COMMD10: variants seen among roughly 807,000 people sequenced by gnomAD.
The protein encoded by COMMD10 is COMM domain-containing protein 10.
In COMMD10, 33 loss-of-function variants were observed where a neutral mutation model predicts 28.9. The ratio of observed to expected loss-of-function variants is 1.14; its 90% CI spans 0.87 to 1.53. The LOEUF (loss-of-function observed/expected upper bound fraction) is 1.53, where lower values mean the gene tolerates loss of function less well. Among genes scored for constraint, COMMD10 ranks in the 40% most tolerant of loss-of-function variants. The pLI is 0.00. For synonymous variants in COMMD10, 110 were observed against 81.7 expected, an observed-to-expected ratio of 1.35 and a Z score of -1.87; for missense variants, 310 against 233.4, an observed-to-expected ratio of 1.33 and a Z score of -2.14.
intron 4 of COMMD10, among the ~76,000 whole-genome samples, chr5:116,110,058 T>C (rs905492022): frequency 1.3e-5 from 2 of 152,224 alleles, no homozygotes; most frequent in African/African-American, 4.8e-5. Flanking sequence ...TATGCCCAGT[T>C]TGTTGAGAGT....
intron 5 of COMMD10, among the ~76,000 whole-genome samples, chr5:116,169,281 C>T (rs1217798984): frequency 6.6e-6 from 1 of 152,078 alleles, no homozygotes; most frequent in Non-Finnish European, 1.5e-5. Context: ...ACATACACCT[C>T]CCAAGACTAA....
chr5:116,241,460 C>T (rs1015078100), intron 5 of COMMD10, among the ~76,000 whole-genome samples: 2 of 152,096 alleles, frequency 1.3e-5, no homozygotes, highest in Admixed American at 6.5e-5. Flanking sequence ...CACTTACTGA[C>T]ACAACCTTTA....
intron 4 of COMMD10, among the ~76,000 whole-genome samples, chr5:116,132,312 A>G (rs1274074358): frequency 1.3e-5 from 2 of 152,154 alleles, no homozygotes; most frequent in Non-Finnish European, 2.9e-5. Flanking sequence ...GGTAGTTCAG[A>G]TGGATTTATT....
intron 5 of COMMD10, among the ~76,000 whole-genome samples, chr5:116,207,391 G>T (rs73257302): frequency 3.3e-5 from 5 of 151,966 alleles, no homozygotes; most frequent in South Asian, 4.1e-4. Flanking sequence ...TGAGAGATCT[G>T]TTACTTTCTG....
chr5:116,290,990 C>A (rs564699447), intron 5 of COMMD10, among the ~76,000 whole-genome samples: 1 of 152,090 alleles, frequency 6.6e-6, no homozygotes, highest in African/African-American at 2.4e-5. Context: ...GACTTTGAAA[C>A]TGTTGTGTTA....
chr5:116,141,206 C>T (rs868322205), intron 5 of COMMD10, among the ~76,000 whole-genome samples: 18 of 151,532 alleles, frequency 1.2e-4, no homozygotes, highest in East Asian at 3.9e-4. Context: ...TGCATCTTCT[C>T]GGTAGCCTTG....
At chr5:116,190,148 A>T (rs1485193065) in intron 5 of COMMD10, among the ~76,000 whole-genome samples, 1 of 152,188 alleles carries the variant, frequency 6.6e-6, no homozygotes, top group South Asian at 2.1e-4. Flanking sequence ...AGCCTCACAC[A>T]TCACATGGAG....
At chr5:116,111,217 G>A (rs1453407149) in intron 4 of COMMD10, among the ~76,000 whole-genome samples, 1 of 151,882 alleles carries the variant, frequency 6.6e-6, no homozygotes, top group African/African-American at 2.4e-5. Context: ...TTTAAAGAAC[G>A]AGCTTTTTGT....
intron 5 of COMMD10, chr5:116,255,781 T>C (rs1195635061): frequency 6.6e-6 from 1 of 151,252 alleles, no homozygotes; most frequent in Non-Finnish European, 1.5e-5. Flanking sequence ...ATACAACCCA[T>C]GAGTGCTTAC....
At chr5:116,126,274 A>T (rs924652472) in intron 4 of COMMD10, among the ~76,000 whole-genome samples, 9 of 152,248 alleles carry the variant, frequency 5.9e-5, no homozygotes. Flanking sequence ...GAAATGAAAG[A>T]GGACACAAAC....
At chr5:116,238,285 A>G (rs1749730160) in intron 5 of COMMD10, among the ~76,000 whole-genome samples, 2 of 152,228 alleles carry the variant, frequency 1.3e-5, no homozygotes, top group Non-Finnish European at 1.5e-5. Context: ...AACTGCACAT[A>G]TTTACTGGAC....
chr5:116,194,187 A>G (rs971327373), intron 5 of COMMD10, among the ~76,000 whole-genome samples: 2 of 152,160 alleles, frequency 1.3e-5, no homozygotes, highest in Non-Finnish European at 2.9e-5. Context: ...AGGAAAGTTC[A>G]TAGCCCTAAA....
At chr5:116,214,139 C>A (rs926760823) in intron 5 of COMMD10, among the ~76,000 whole-genome samples, 1 of 152,000 alleles carries the variant, frequency 6.6e-6, no homozygotes, top group Non-Finnish European at 1.5e-5. Context: ...GTCTTTAAAC[C>A]TTTAGCTGTT....
chr5:116,227,807 A>T (rs938754104), intron 5 of COMMD10, among the ~76,000 whole-genome samples: 1 of 152,078 alleles, frequency 6.6e-6, no homozygotes, highest in Non-Finnish European at 1.5e-5. Flanking sequence ...GAAAAAGACA[A>T]GTAGAAGGAA....
At chr5:116,176,214 C>G (rs1753506330) in intron 5 of COMMD10, among the ~76,000 whole-genome samples, 1 of 152,158 alleles carries the variant, frequency 6.6e-6, no homozygotes, top group African/African-American at 2.4e-5. Flanking sequence ...AAGATTCAAG[C>G]AATTCTCATG....
rs113697409 is a variant in COMMD10, at chr5:116,259,544, T to C, written c.511-31973T>C. Reference sequence around the variant, plus strand: ...CCTCAAGTGTTTGGTGATTTTTGGTTGTTTGTTGTTTGTTGAATAGTTGAG... The same window carrying C: ...CCTCAAGTGTTTGGTGATTTTTGGTCGTTTGTTGTTTGTTGAATAGTTGAG... On this transcript the variant is annotated intron_variant, in intron 5 of 6. Coordinates refer to ENST00000274458, the MANE Select transcript of COMMD10 (RefSeq NM_016144.4). 2.1e-3 allele frequency among the ~76,000 whole-genome samples: 320 copies of C among 151,812 alleles called. 5 individuals are homozygous for C. Among genetic ancestry groups the C allele is most frequent in the African/African-American group, 7.3e-3 (302 of 41,206 alleles).
At chr5:116,122,643 C>T (rs1324750523) in intron 4 of COMMD10, among the ~76,000 whole-genome samples, 2 of 152,152 alleles carry the variant, frequency 1.3e-5, no homozygotes, top group Admixed American at 6.6e-5. Flanking sequence ...TGTTTGTGTC[C>T]TCTTTTATTT....
At chr5:116,281,230 A>G (rs1330266771) in intron 5 of COMMD10, among the ~76,000 whole-genome samples, 2 of 151,676 alleles carry the variant, frequency 1.3e-5, no homozygotes, top group Non-Finnish European at 2.9e-5. Context: ...ATGTGTTCCT[A>G]ATTCCTAACT....
chr5:116,208,294 G>A (rs1748869498), intron 5 of COMMD10, among the ~76,000 whole-genome samples: 1 of 152,038 alleles, frequency 6.6e-6, no homozygotes, highest in Admixed American at 6.6e-5. Flanking sequence ...CCTTTTCCAA[G>A]TCCTGTGTAA....
Sources: gnomAD v4.1 joint callset for allele counts (sites outside exome capture counted in the v4.1 genomes callset) on GRCh38, gnomAD v4.1.1 for gene constraint, MANE v1.5 for transcripts, NCBI Gene and HGNC (gene_info 2026-07-23, HGNC 2026-07-21) for gene names.